IL1R1: variants seen among roughly 807,000 people sequenced by gnomAD.
IL1R1 encodes the protein interleukin 1 receptor type 1.
IL1R1 carries 22 observed loss-of-function variants against 50.2 expected under a neutral mutation model. The ratio of observed to expected loss-of-function variants is 0.44; its 90% CI spans 0.31 to 0.63. The LOEUF (loss-of-function observed/expected upper bound fraction) is 0.63, where lower values mean the gene tolerates loss of function less well. Ranked by LOEUF, IL1R1 falls within the 20% of genes least tolerant of loss-of-function variation. The probability of loss-of-function intolerance (pLI) is 0.07; values close to 1 mark genes in which losing one functional copy is unlikely to be tolerated. For synonymous variants in IL1R1, 251 were observed against 236.7 expected, an observed-to-expected ratio of 1.06 and a Z score of -0.55; for missense variants, 509 against 676.2, an observed-to-expected ratio of 0.75 and a Z score of 2.74.
At chr2:102,143,226 G>A (rs1682828422) in intron 1 of IL1R1, among the ~76,000 whole-genome samples, 1 of 152,214 alleles carries the variant, frequency 6.6e-6, no homozygotes, top group Non-Finnish European at 1.5e-5. Flanking sequence ...ACGTTGTTCA[G>A]GTCGTTTGAA....
rs1229445969 is a variant in IL1R1, at chr2:102,176,656, A to G, written c.1607A>G (p.Tyr536Cys). Reference protein sequence around the residue: ...AKTRFWKNVRYHMPVQRRSPS... With the variant: ...AKTRFWKNVRCHMPVQRRSPS... ...ACAAGGTTCTGGAAGAATGTCAGGTACCACATGCCAGTCCAGCGACGGTCA... is the reference window on the plus strand; with the variant it reads ...ACAAGGTTCTGGAAGAATGTCAGGTGCCACATGCCAGTCCAGCGACGGTCA... The change falls in exon 12 of 12, where the codon TAC (tyrosine) becomes TGC (cysteine). Residue 536 changes from tyrosine (Y) to cysteine (C), a missense_variant. Transcript: ENST00000410023. 6.2e-7 allele frequency: 1 copy of G among 1,614,234 alleles called. No individual in the cohort carries two copies.
At chr2:102,076,121 A>T (rs182382876) in intron 1 of IL1R1, among the ~76,000 whole-genome samples, 10 of 152,094 alleles carry the variant, frequency 6.6e-5, no homozygotes, top group African/African-American at 2.2e-4. Context: ...AAATGTTTTA[A>T]TTAATAAAAA....
chr2:102,159,777 C>G (rs1049493038), intron 3 of IL1R1, among the ~76,000 whole-genome samples: 1 of 151,784 alleles, frequency 6.6e-6, no homozygotes, highest in African/African-American at 2.4e-5. Context: ...GCTCCAAACC[C>G]TCTCTCTTCT....
intron 1 of IL1R1, among the ~76,000 whole-genome samples, chr2:102,095,935 G>A (rs576499894): frequency 2.6e-5 from 4 of 152,052 alleles, no homozygotes; most frequent in Non-Finnish European, 4.4e-5. Context: ...CCCGGGAGGC[G>A]GAGCTTGCAG....
Position 102,115,642 on chromosome 2 carries a change from G to A in IL1R1, c.-84+10770G>A, listed in dbSNP as rs538250944. Among the ~76,000 whole-genome samples, 3 of 152,244 alleles carry A rather than the reference G, an allele frequency of 2.0e-5. 1 individual carries two copies. Among genetic ancestry groups the A allele is most frequent in the African/African-American group, 7.2e-5 (3 of 41,524 alleles). On this transcript the variant is annotated intron_variant, in intron 1 of 10. Coordinates refer to the IL1R1 transcript ENST00000409329. ...AGATAGTTGCCTGTTTCTCCTGGTC[G>A]GAGGGATGGGAAAACCCTAAAGAAG...
At chr2:102,080,731 T>G (rs2104287483) in intron 1 of IL1R1, among the ~76,000 whole-genome samples, 1 of 152,278 alleles carries the variant, frequency 6.6e-6, no homozygotes, top group South Asian at 2.1e-4. Flanking sequence ...GTGACATAAT[T>G]AACAACACAA....
chr2:102,157,762 T>C lies in IL1R1; in HGVS notation c.38T>C (p.Leu13Pro), dbSNP rs998308685. ...VLLRLICFIALLISSLEADKC... is the reference protein window; with the variant it reads ...VLLRLICFIAPLISSLEADKC... ...CTCAGACTTATTTGTTTCATAGCTC[T>C]ACTGATTTCTTCTCTGGAGGCTGGT... Residue 13 changes from leucine (L) to proline (P), a missense_variant, in exon 3 of 12, where the codon CTA (leucine) becomes CCA (proline). Physicochemically the swap from Leu to Pro is moderately conservative, Grantham distance 98. Coordinates refer to ENST00000410023, the MANE Select transcript of IL1R1 (RefSeq NM_000877.4). 1 of 1,603,740 alleles carries C rather than the reference T, an allele frequency of 6.2e-7. No homozygotes were observed. Among genetic ancestry groups the C allele is most frequent in the African/African-American group, 1.3e-5 (1 of 74,860 alleles).
chr2:102,140,092 A>G (rs71415342), upstream of IL1R1, among the ~76,000 whole-genome samples: 1 of 152,172 alleles, frequency 6.6e-6, no homozygotes, highest in Non-Finnish European at 1.5e-5. Flanking sequence ...GCTTTACATT[A>G]CCATACATTC....
chr2:102,128,595 T>A (rs1037157960), intron 1 of IL1R1, among the ~76,000 whole-genome samples: 4 of 152,226 alleles, frequency 2.6e-5, no homozygotes, highest in African/African-American at 9.6e-5. Flanking sequence ...ACTTGCTTAG[T>A]GCCACACAGA....
intron 1 of IL1R1, among the ~76,000 whole-genome samples, chr2:102,085,139 G>A (rs973353866): frequency 6.6e-6 from 1 of 152,172 alleles, no homozygotes; most frequent in East Asian, 1.9e-4. Flanking sequence ...AGAACACTTT[G>A]TCAGCAGTAT....
intron 7 of IL1R1, among the ~76,000 whole-genome samples, chr2:102,169,339 C>T (rs951193): frequency 0.034 from 5,214 of 152,234 alleles, 143 homozygotes; most frequent in Middle Eastern, 0.061. Flanking sequence ...AGTTACTAGG[C>T]GCATGGAGTT....
chr2:102,099,247 T>C (rs1027082866), intron 1 of IL1R1, among the ~76,000 whole-genome samples: 1 of 152,184 alleles, frequency 6.6e-6, no homozygotes, highest in South Asian at 2.1e-4. Flanking sequence ...GTTTATAACA[T>C]TGATTTGTCA....
At chr2:102,137,703 A>G (rs2104430015) in intron 1 of IL1R1, among the ~76,000 whole-genome samples, 1 of 152,336 alleles carries the variant, frequency 6.6e-6, no homozygotes, top group East Asian at 1.9e-4. Flanking sequence ...AATTGTTTGA[A>G]CAAGTCAATA....
intron 2 of IL1R1, among the ~76,000 whole-genome samples, chr2:102,155,677 C>A (rs371198276): frequency 4.6e-5 from 7 of 152,180 alleles, no homozygotes; most frequent in Non-Finnish European, 1.5e-5. Context: ...CTCCCACCCC[C>A]CTGACTGTTT....
intron 1 of IL1R1, among the ~76,000 whole-genome samples, chr2:102,083,922 C>T (rs893432334): frequency 6.8e-6 from 1 of 147,884 alleles, no homozygotes; most frequent in Non-Finnish European, 1.5e-5. Context: ...CCAGCTTAAG[C>T]GACTGAGCAA....
At chr2:102,100,810 G>A (rs547424265), upstream of IL1R1, among the ~76,000 whole-genome samples, 3 of 152,296 alleles carry the variant, frequency 2.0e-5, no homozygotes, top group East Asian at 3.9e-4. Context: ...TTAAGGGATG[G>A]CATTCTCCCC....
At chr2:102,168,441 C>T (rs755271065) in intron 6 of IL1R1, among the ~76,000 whole-genome samples, 157 bp from the exon 7 acceptor site, 9 of 152,212 alleles carry the variant, frequency 5.9e-5, no homozygotes. Flanking sequence ...CAGCTTTCTT[C>T]CTTCACTTTC....
At chr2:102,138,583 C>T (rs1410808795), upstream of IL1R1, among the ~76,000 whole-genome samples, 1 of 152,090 alleles carries the variant, frequency 6.6e-6, no homozygotes, top group African/African-American at 2.4e-5. Context: ...TAGTAGCCCA[C>T]CACCAATTGC....
intron 1 of IL1R1, among the ~76,000 whole-genome samples, chr2:102,081,146 C>T (rs1387979431): frequency 1.3e-5 from 2 of 152,094 alleles, no homozygotes; most frequent in South Asian, 4.2e-4. Flanking sequence ...GTGATGGGTG[C>T]GCAACTCTAT....
Sources: gnomAD v4.1 joint callset for allele counts (sites outside exome capture counted in the v4.1 genomes callset) on GRCh38, gnomAD v4.1.1 for gene constraint, MANE v1.5 for transcripts, NCBI Gene and HGNC (gene_info 2026-07-23, HGNC 2026-07-21) for gene names.